Variants in IGF1R observed in about 807,000 individuals in gnomAD.
IGF1R encodes insulin-like growth factor 1 receptor.
Under a neutral mutation model 144.6 loss-of-function variants are expected in IGF1R, and 44 were observed. That is an observed-to-expected ratio of 0.30 (90% CI 0.24 to 0.39). The LOEUF (loss-of-function observed/expected upper bound fraction) is 0.39. Among genes scored for constraint, IGF1R ranks in the 10% least tolerant of loss-of-function variants. The pLI is 1.00. For missense variants in IGF1R, 1,355 were observed against 1,833.7 expected (o/e 0.74, Z 4.77); for synonymous variants, 795 against 722.8 (o/e 1.10, Z -1.60).
intron 2 of IGF1R, among the ~76,000 whole-genome samples, chr15:98,772,706 A>G (rs2055619057): frequency 2.0e-5 from 3 of 151,282 alleles, no homozygotes; most frequent in Non-Finnish European, 1.5e-5. Context: ...AGGTGAGATT[A>G]TAGGCACTAG....
At chr15:98,817,465 G>A (rs138185163) in intron 2 of IGF1R, among the ~76,000 whole-genome samples, 1 of 152,118 alleles carries the variant, frequency 6.6e-6, no homozygotes, top group East Asian at 1.9e-4. Flanking sequence ...TGGGTTGGGG[G>A]CCAGGTGTGG....
At chr15:98,665,684 C>T in intron 1 of IGF1R, among the ~76,000 whole-genome samples, 1 of 152,176 alleles carries the variant, frequency 6.6e-6, no homozygotes, top group Admixed American at 6.5e-5. Flanking sequence ...GAACCTGTGC[C>T]CTTTGTGCGT....
chr15:98,846,296 C>G (rs908961666), intron 2 of IGF1R, among the ~76,000 whole-genome samples: 10 of 152,340 alleles, frequency 6.6e-5, no homozygotes, highest in Middle Eastern at 3.4e-3. Flanking sequence ...TGTGCTTCTG[C>G]TAGCTACTGC....
chr15:98,911,153 T>C (rs2014997304), intron 6 of IGF1R, among the ~76,000 whole-genome samples, 162 bp from the exon 7 acceptor site: 1 of 152,224 alleles, frequency 6.6e-6, no homozygotes, highest in Non-Finnish European at 1.5e-5. Context: ...TAGTGAAATG[T>C]ATGATTTCTT....
intron 2 of IGF1R, among the ~76,000 whole-genome samples, chr15:98,771,195 C>G (rs1427444709): frequency 6.6e-6 from 1 of 152,160 alleles, no homozygotes; most frequent in Non-Finnish European, 1.5e-5. Context: ...TCCAAGCACC[C>G]ACGTGGAGCT....
chr15:98,956,846 G>C (rs1041439220), intron 20 of IGF1R, among the ~76,000 whole-genome samples: 6 of 152,194 alleles, frequency 3.9e-5, no homozygotes, highest in Non-Finnish European at 8.8e-5. Context: ...TGGGTTCTGG[G>C]GGAAGAGAAT....
At chr15:98,812,359 CTTT>C (rs34851483) in intron 2 of IGF1R, among the ~76,000 whole-genome samples, 1 of 140,178 alleles carries the variant, frequency 7.1e-6, no homozygotes, top group Non-Finnish European at 1.5e-5. Flanking sequence ...CTTGAAAAAG[CTTT>C]TTTTTTTTTT....
rs748228405 is a variant in IGF1R at position 98,908,752 on chromosome 15, C to T, written c.1315C>T (p.Leu439=). ...QQLWDWDHRN[L]TIKAGKMYFA... ...ACTGTGGGACTGGGACCACCGCAAC[C>T]TGACCATCAAAGCAGGGAAAATGTA... Residue 439 remains leucine, a synonymous_variant, in exon 6 of 21, where the codon CTG becomes TTG. Coordinates refer to ENST00000650285, the MANE Select transcript of IGF1R (RefSeq NM_000875.5). 4 of 1,614,068 alleles carry T rather than the reference C, an allele frequency of 2.5e-6. No homozygotes were observed. In the East Asian group the frequency reaches 8.9e-5, roughly 36 times the overall value.
chr15:98,858,789 C>CT (rs2011978367), intron 2 of IGF1R, among the ~76,000 whole-genome samples: 1 of 152,238 alleles, frequency 6.6e-6, no homozygotes, highest in African/African-American at 2.4e-5. Flanking sequence ...CATCATCATC[C>CT]TTATCAGCAC....
chr15:98,663,635 A>G (rs147270025), intron 1 of IGF1R, among the ~76,000 whole-genome samples: 133 of 152,226 alleles, frequency 8.7e-4, no homozygotes, highest in African/African-American at 3.2e-3. Flanking sequence ...TCTGATTTTT[A>G]GAGGAGTCCA....
intron 2 of IGF1R, among the ~76,000 whole-genome samples, chr15:98,806,824 G>A (rs975101888): frequency 5.3e-5 from 8 of 152,094 alleles, no homozygotes; most frequent in African/African-American, 1.9e-4. Context: ...GAGCTTTAGG[G>A]CACAGCTGAC....
At chr15:98,839,195 C>T (rs1380100406) in intron 2 of IGF1R, among the ~76,000 whole-genome samples, 2 of 152,174 alleles carry the variant, frequency 1.3e-5, no homozygotes, top group Admixed American at 1.3e-4. Context: ...CTCAGTTGTC[C>T]CACAGATACA....
At chr15:98,754,360 G>C (rs2055095621) in intron 2 of IGF1R, among the ~76,000 whole-genome samples, 1 of 152,162 alleles carries the variant, frequency 6.6e-6, no homozygotes, top group African/African-American at 2.4e-5. Context: ...TTGTCCAAAA[G>C]AGTCTTAAGC....
intron 1 of IGF1R, among the ~76,000 whole-genome samples, chr15:98,673,004 A>G (rs1321629177): frequency 6.6e-6 from 1 of 151,992 alleles, no homozygotes; most frequent in Non-Finnish European, 1.5e-5. Flanking sequence ...ATTTTATTTT[A>G]CTTTTTTTTA....
At chr15:98,824,912 C>T (rs1469972750) in intron 2 of IGF1R, among the ~76,000 whole-genome samples, 1 of 151,954 alleles carries the variant, frequency 6.6e-6, no homozygotes, top group Non-Finnish European at 1.5e-5. Flanking sequence ...TCTCGGCTCA[C>T]TGCAACCTCT....
intron 2 of IGF1R, among the ~76,000 whole-genome samples, chr15:98,828,972 G>A (rs2056952135): frequency 6.6e-6 from 1 of 151,878 alleles, no homozygotes. Flanking sequence ...CAAGCCCTCC[G>A]AAGCACTCAG....
At chr15:98,890,084 AGC>A (rs76399318) in intron 2 of IGF1R, among the ~76,000 whole-genome samples, 7,638 of 152,308 alleles carry the variant, frequency 0.05, 331 homozygotes, top group East Asian at 0.14. Flanking sequence ...ATTTCACTTT[AGC>A]ACACGAAGAG....
chr15:98,693,519 C>T (rs1423627847), intron 1 of IGF1R, among the ~76,000 whole-genome samples: 1 of 152,180 alleles, frequency 6.6e-6, no homozygotes, highest in East Asian at 1.9e-4. Context: ...TTTCTGCCTC[C>T]CTGGTGCACT....
intron 2 of IGF1R, among the ~76,000 whole-genome samples, chr15:98,749,326 A>C (rs1035482635): frequency 3.3e-5 from 5 of 152,084 alleles, no homozygotes; most frequent in African/African-American, 1.2e-4. Context: ...CTGTATCTTA[A>C]ATATTTGTAT....
Sources: gnomAD v4.1 joint callset for allele counts (sites outside exome capture counted in the v4.1 genomes callset) on GRCh38, gnomAD v4.1.1 for gene constraint, MANE v1.5 for transcripts, NCBI Gene and HGNC (gene_info 2026-07-23, HGNC 2026-07-21) for gene names.